Variants in ANKRD44 observed in about 807,000 individuals in gnomAD.
ANKRD44 encodes ankyrin repeat domain 44, also known as serine/threonine-protein phosphatase 6 regulatory ankyrin repeat subunit B.
Under a neutral mutation model 116.0 loss-of-function variants are expected in ANKRD44, and 35 were observed. The observed-to-expected ratio is 0.30, with a 90% CI of 0.23 to 0.40. The LOEUF is 0.40. Among genes scored for constraint, ANKRD44 ranks in the 10% least tolerant of loss-of-function variants. The pLI, the probability that ANKRD44 is intolerant of heterozygous loss-of-function variation, is 1.00. For missense variants in ANKRD44, 1,014 were observed against 1,242.6 expected, an observed-to-expected ratio of 0.82 and a Z score of 2.77; for synonymous variants, 435 against 461.8, an observed-to-expected ratio of 0.94 and a Z score of 0.74.
chr2:197,117,251 T>C (rs1017380150), intron 8 of ANKRD44, among the ~76,000 whole-genome samples: 8 of 152,116 alleles, frequency 5.3e-5, no homozygotes, highest in Non-Finnish European at 1.2e-4. Context: ...TTTATTTATT[T>C]ATTTTTTTGA....
chr2:197,118,199 C>T (rs1163233799), intron 8 of ANKRD44, among the ~76,000 whole-genome samples: 1 of 151,026 alleles, frequency 6.6e-6, no homozygotes, highest in African/African-American at 2.4e-5. Context: ...GGCAGCAGAG[C>T]CAGATCCTGT....
intron 9 of ANKRD44, among the ~76,000 whole-genome samples, chr2:197,106,352 G>A (rs1321402778): frequency 6.6e-6 from 1 of 152,138 alleles, no homozygotes; most frequent in Non-Finnish European, 1.5e-5. Flanking sequence ...GGCTGAGGCA[G>A]GGGAATTTCT....
At chr2:197,048,387 T>C (rs1445799513) in intron 16 of ANKRD44, among the ~76,000 whole-genome samples, 5 of 152,184 alleles carry the variant, frequency 3.3e-5, no homozygotes, top group East Asian at 1.9e-4. Flanking sequence ...CCCTGCCCTG[T>C]GTCCAAGTGT....
chr2:197,181,065 A>G (rs1158761612), intron 2 of ANKRD44, among the ~76,000 whole-genome samples: 1 of 152,188 alleles, frequency 6.6e-6, no homozygotes, highest in Non-Finnish European at 1.5e-5. Context: ...TGTTTACTAT[A>G]CATTCCTTAG....
chr2:197,224,058 G>C (rs1024841010), intron 1 of ANKRD44, among the ~76,000 whole-genome samples: 1 of 152,154 alleles, frequency 6.6e-6, no homozygotes. Context: ...GGTTTCTGAG[G>C]GGCTGGTTAC....
At chr2:197,046,861 GT>G (rs1280295404) in intron 16 of ANKRD44, among the ~76,000 whole-genome samples, 1 of 152,096 alleles carries the variant, frequency 6.6e-6, no homozygotes, top group East Asian at 1.9e-4. Context: ...CACAACCTGG[GT>G]TTTCCCATGA....
chr2:197,156,639 G>A (rs1054619832), intron 2 of ANKRD44, among the ~76,000 whole-genome samples: 2 of 152,178 alleles, frequency 1.3e-5, no homozygotes, highest in Non-Finnish European at 2.9e-5. Flanking sequence ...TGTCCATACA[G>A]AGACTTGCAC....
chr2:197,098,868 G>C (rs1280964966), intron 10 of ANKRD44, among the ~76,000 whole-genome samples: 1 of 152,146 alleles, frequency 6.6e-6, no homozygotes, highest in Non-Finnish European at 1.5e-5. Context: ...AAGGGAAGCA[G>C]CTTGGATTGG....
chr2:197,154,337 G>A (rs1383245965), intron 2 of ANKRD44, among the ~76,000 whole-genome samples: 1 of 151,512 alleles, frequency 6.6e-6, no homozygotes, highest in Non-Finnish European at 1.5e-5. Context: ...CCGCTACCAC[G>A]CCCGGCTAAT....
intron 8 of ANKRD44, among the ~76,000 whole-genome samples, chr2:197,111,704 TAAA>T: frequency 6.7e-6 from 1 of 148,494 alleles, no homozygotes; most frequent in Middle Eastern, 3.5e-3. Context: ...TAATTCCATT[TAAA>T]AAAAAAATCA....
At chr2:196,984,031 T>C (rs1312658427), downstream of ANKRD44, among the ~76,000 whole-genome samples, 2 of 152,242 alleles carry the variant, frequency 1.3e-5, no homozygotes, top group Non-Finnish European at 2.9e-5. Context: ...TCCAAAGTTC[T>C]TTCTCAACCT....
chr2:197,102,962 G>T (rs1299701421), intron 9 of ANKRD44, among the ~76,000 whole-genome samples: 3 of 152,050 alleles, frequency 2.0e-5, no homozygotes, highest in South Asian at 4.1e-4. Context: ...GGGCGTGGTG[G>T]CTCATGCCTG....
At chr2:196,990,760 T>C in intron 27 of ANKRD44, 1 of 1,232,214 alleles carries the variant, frequency 8.1e-7, no homozygotes. Context: ...CTAACCATGC[T>C]ACCCAGATTG....
At chr2:197,145,979 C>G (rs2079491547) in intron 3 of ANKRD44, among the ~76,000 whole-genome samples, 1 of 152,180 alleles carries the variant, frequency 6.6e-6, no homozygotes, top group Admixed American at 6.5e-5. Flanking sequence ...GACATCTGCA[C>G]ATGCTCAATT....
chr2:196,979,196 A>G (rs1315009760), intron 21 of ANKRD44, among the ~76,000 whole-genome samples: 1 of 151,930 alleles, frequency 6.6e-6, no homozygotes, highest in Non-Finnish European at 1.5e-5. Context: ...GGAGATTGAG[A>G]CCATCCTGGC....
At chr2:196,975,095 A>G (rs2075747484) in intron 21 of ANKRD44, among the ~76,000 whole-genome samples, 1 of 152,164 alleles carries the variant, frequency 6.6e-6, no homozygotes, top group Non-Finnish European at 1.5e-5. Context: ...AGGAGAAAAG[A>G]CTCAAATTAG....
intron 1 of ANKRD44, among the ~76,000 whole-genome samples, chr2:197,277,676 A>G (rs2083131268): frequency 6.6e-6 from 1 of 152,138 alleles, no homozygotes; most frequent in Non-Finnish European, 1.5e-5. Flanking sequence ...CGCAGCTAAT[A>G]CTCAAGCCTT....
At chr2:197,156,002 T>G (rs969777097) in intron 2 of ANKRD44, among the ~76,000 whole-genome samples, 2 of 152,150 alleles carry the variant, frequency 1.3e-5, no homozygotes, top group Non-Finnish European at 1.5e-5. Context: ...GGCAAAAGAT[T>G]TGAACAGATA....
chr2:197,025,518 A>G (rs749826192), intron 16 of ANKRD44, among the ~76,000 whole-genome samples: 47 of 152,348 alleles, frequency 3.1e-4, no homozygotes, highest in Non-Finnish European at 6.0e-4. Flanking sequence ...TAACGAAAAA[A>G]ATAAGACCCA....
Sources: gnomAD v4.1 joint callset for allele counts (sites outside exome capture counted in the v4.1 genomes callset) on GRCh38, gnomAD v4.1.1 for gene constraint, MANE v1.5 for transcripts, NCBI Gene and HGNC (gene_info 2026-07-23, HGNC 2026-07-21) for gene names.